Variants in ANKRD26 observed in about 807,000 individuals in gnomAD.
ANKRD26 encodes the protein ankyrin repeat domain-containing protein 26.
ANKRD26 carries 141 observed loss-of-function variants against 208.7 expected under a neutral mutation model. The observed-to-expected ratio is 0.68, with a 90% CI of 0.59 to 0.78. ANKRD26 has a LOEUF of 0.78. Among genes scored for constraint, ANKRD26 ranks in the 30% least tolerant of loss-of-function variants. The probability of loss-of-function intolerance (pLI) is 0.00; values close to 1 mark genes in which losing one functional copy is unlikely to be tolerated. For synonymous variants in ANKRD26, 636 were observed against 660.4 expected (o/e 0.96, Z 0.57); for missense variants, 1,889 against 1,938.7 (o/e 0.97, Z 0.48).
chr10:27,100,451 A>G lies in ANKRD26; in HGVS notation c.-125T>C. On this transcript the variant is annotated 5_prime_UTR_variant, in exon 1 of 34. Transcript: ENST00000376087. ...TCCCAAAGGAAACTCCGCGGTTTCC[A>G]ATCTCTCCCTCCGGGTTACCAAGCA... 1 of 1,395,020 alleles carries G rather than the reference A, an allele frequency of 7.2e-7. No homozygotes were observed. Among genetic ancestry groups the G allele is most frequent in the Non-Finnish European group, 9.6e-7 (1 of 1,037,652 alleles). 86.4% of individuals were successfully genotyped at this position (1,395,020 alleles called of 1,614,324 possible). A position where few individuals can be genotyped will look rare whatever the true frequency, so the allele number is the denominator to read the frequency against.
chr10:27,006,041 C>T (rs1287461827), intron 33 of ANKRD26, among the ~76,000 whole-genome samples: 2 of 152,002 alleles, frequency 1.3e-5, no homozygotes, highest in African/African-American at 4.8e-5. Context: ...ATGCTATAAT[C>T]TGAAAAAAAC....
At chr10:26,974,225 A>C in exon 6 of ANKRD26, among the ~76,000 whole-genome samples, 1 of 152,008 alleles carries the variant, frequency 6.6e-6, no homozygotes, top group East Asian at 1.9e-4. Context: ...TCCTTTTTTA[A>C]CGCCACAAAT....
chr10:27,100,185 C>A lies in ANKRD26; in HGVS notation c.142G>T (p.Gly48Cys). The change falls in exon 1 of 34, where the codon GGC becomes TGC. Residue 48 changes from glycine to cysteine, a missense_variant. Physicochemically the swap from Gly to Cys is radical, Grantham distance 159 (BLOSUM62 -3). This residue lies in a region of ANKRD26 where 1,272 missense variants were observed against 1,273.8 expected (regional missense o/e 1.00). Transcript: ENST00000376087. ...GCGCTGGCAGCTTTGTGGATCTTGC[C>A]GAGATCTCGGTCTCGGACGTGGTAG... ...PGYHVRDRDLGKIHKAASAGN... is the reference protein window; with the variant it reads ...PGYHVRDRDLCKIHKAASAGN... 6.2e-7 allele frequency: 1 copy of A among 1,614,004 alleles called. No homozygotes were observed. The highest frequency in any genetic ancestry group is 8.5e-7 in the Non-Finnish European group (1 of 1,179,966).
chr10:27,078,135 T>C (rs1435678470), intron 7 of ANKRD26, among the ~76,000 whole-genome samples: 1 of 152,208 alleles, frequency 6.6e-6, no homozygotes, highest in Non-Finnish European at 1.5e-5. Flanking sequence ...CATTTTGTTC[T>C]TAGTATATTT....
intron 25 of ANKRD26, among the ~76,000 whole-genome samples, chr10:27,029,627 C>T (rs746052502): frequency 1.3e-5 from 2 of 152,098 alleles, no homozygotes; most frequent in Non-Finnish European, 2.9e-5. Context: ...CTCTTGTTTT[C>T]AAACTATATT....
chr10:27,029,864 C>T (rs896738899), intron 25 of ANKRD26, among the ~76,000 whole-genome samples: 4 of 152,102 alleles, frequency 2.6e-5, no homozygotes, highest in Admixed American at 2.6e-4. Flanking sequence ...GCCGTATCCA[C>T]ACAGAAGCGG....
At chr10:27,051,035 G>C (rs767944593) in intron 16 of ANKRD26, 23 of 1,206,116 alleles carry the variant, frequency 1.9e-5, no homozygotes, top group Middle Eastern at 3.6e-4. Flanking sequence ...AAAAAACAAA[G>C]AGTAGCAGCA....
intron 29 of ANKRD26, among the ~76,000 whole-genome samples, chr10:27,021,052 G>A (rs1355659339): frequency 1.3e-5 from 2 of 152,088 alleles, no homozygotes; most frequent in African/African-American, 2.4e-5. Flanking sequence ...GCAAAATGCC[G>A]AGGTTTGGAC....
chr10:26,984,292 C>G (rs190718159), intron 3 of ANKRD26, among the ~76,000 whole-genome samples: 135 of 152,242 alleles, frequency 8.9e-4, no homozygotes, highest in Admixed American at 4.7e-3. Context: ...TTAAAGCTGT[C>G]AACAACAGCT....
intron 5 of ANKRD26, among the ~76,000 whole-genome samples, chr10:26,978,418 T>C (rs1434248117): frequency 1.3e-5 from 2 of 152,146 alleles, no homozygotes; most frequent in African/African-American, 4.8e-5. Context: ...ATCATGCCAC[T>C]GCACTGCAGC....
chr10:26,988,952 T>C (rs1176789325), downstream of ANKRD26, among the ~76,000 whole-genome samples: 1 of 151,794 alleles, frequency 6.6e-6, no homozygotes, highest in African/African-American at 2.4e-5. Context: ...ACAAAGAATA[T>C]GGTGGTGGGG....
chr10:27,012,394 TA>T (rs34704508), intron 32 of ANKRD26, among the ~76,000 whole-genome samples: 29,802 of 142,102 alleles, frequency 0.21, 3,407 homozygotes, highest in East Asian at 0.55. Context: ...CTCTAGGGAC[TA>T]AAAAAAAAAA....
chr10:27,012,714 A>G (rs2053157212), intron 32 of ANKRD26, among the ~76,000 whole-genome samples, 168 bp downstream of exon 32: 1 of 152,180 alleles, frequency 6.6e-6, no homozygotes, highest in Admixed American at 6.5e-5. Context: ...CTGAGAGGCT[A>G]AGACACAAGA....
At chr10:26,975,113 A>C (rs2052205475) in exon 6 of ANKRD26, among the ~76,000 whole-genome samples, 1 of 152,188 alleles carries the variant, frequency 6.6e-6, no homozygotes, top group Admixed American at 6.5e-5. Context: ...TTTTAACTAA[A>C]AGTGTATGTT....
intron 22 of ANKRD26, among the ~76,000 whole-genome samples, 183 bp from the exon 23 acceptor site, chr10:27,037,506 G>C (rs909634574): frequency 6.6e-6 from 1 of 152,044 alleles, no homozygotes; most frequent in African/African-American, 2.4e-5. Flanking sequence ...TAATCAAAAA[G>C]CAAAAATGGT....
chr10:27,016,118 T>G (rs888676145), intron 30 of ANKRD26, among the ~76,000 whole-genome samples: 1 of 152,228 alleles, frequency 6.6e-6, no homozygotes, highest in Non-Finnish European at 1.5e-5. Context: ...CCCAAGTACC[T>G]GGGACTACAG....
rs2052837525 is a variant in ANKRD26 at position 27,005,424 on chromosome 10, T to C, written c.*166A>G. The C allele has an allele frequency of 1.5e-6, 2 of 1,355,282 alleles. No individual in the cohort carries two copies. Among genetic ancestry groups the C allele is most frequent in the Non-Finnish European group, 1.9e-6 (2 of 1,056,140 alleles). 84.0% of individuals were successfully genotyped at this position (1,355,282 alleles called of 1,614,324 possible). ...CCTGGTTTTCATTGGCAAAATCCAC[T>C]TAAAAGTTAAAGAAGCCAAGTAACA... is the stretch of plus-strand genomic sequence containing the variant. On this transcript the variant is annotated 3_prime_UTR_variant, in exon 34 of 34. Transcript: ENST00000376087.
intron 29 of ANKRD26, among the ~76,000 whole-genome samples, chr10:27,020,793 G>A (rs1412817418): frequency 6.6e-6 from 1 of 152,050 alleles, no homozygotes; most frequent in Non-Finnish European, 1.5e-5. Flanking sequence ...AGAGTAGCTG[G>A]GACTACAGGC....
At chr10:27,025,425 C>T (rs1414006425) in intron 27 of ANKRD26, among the ~76,000 whole-genome samples, 1 of 152,142 alleles carries the variant, frequency 6.6e-6, no homozygotes, top group African/African-American at 2.4e-5. Context: ...CTGCCTCAGC[C>T]TCCTAAAGCA....
Sources: gnomAD v4.1 joint callset for allele counts (sites outside exome capture counted in the v4.1 genomes callset) on GRCh38, gnomAD v4.1.1 for gene constraint, gnomAD v4.1.1 regional missense constraint, MANE v1.5 for transcripts, NCBI Gene and HGNC (gene_info 2026-07-23, HGNC 2026-07-21) for gene names.